The following ASAP1 variants were observed in gnomAD, a reference collection of about 807,000 sequenced individuals.
ASAP1 encodes the protein arf-GAP with SH3 domain, ANK repeat and PH domain-containing protein 1.
A neutral mutation model predicts 145.2 loss-of-function variants in ASAP1; 43 were observed. The ratio of observed to expected loss-of-function variants is 0.30; its 90% CI spans 0.23 to 0.38. The LOEUF (loss-of-function observed/expected upper bound fraction) is 0.38. ASAP1 is among the 10% of genes least tolerant of loss of function. The probability of loss-of-function intolerance (pLI) is 1.00; values close to 1 mark genes in which losing one functional copy is unlikely to be tolerated. For synonymous variants in ASAP1, 546 were observed against 515.5 expected (o/e 1.06, Z -0.80); for missense variants, 1,018 against 1,355.3 (o/e 0.75, Z 3.91).
chr8:130,169,378 T>C (rs935379207), intron 9 of ASAP1, among the ~76,000 whole-genome samples: 2 of 152,222 alleles, frequency 1.3e-5, no homozygotes, highest in African/African-American at 4.8e-5. Flanking sequence ...CATATGCATC[T>C]ATACATAGAA....
At chr8:130,339,538 T>C (rs1284880557) in intron 3 of ASAP1, among the ~76,000 whole-genome samples, 71 of 152,156 alleles carry the variant, frequency 4.7e-4, no homozygotes, top group Admixed American at 4.6e-3. Flanking sequence ...TCTCCTCCAC[T>C]TGAAGGCAGT....
intron 10 of ASAP1, among the ~76,000 whole-genome samples, 178 bp downstream of exon 10, chr8:130,168,814 G>C (rs2097685430): frequency 6.6e-6 from 1 of 152,136 alleles, no homozygotes; most frequent in African/African-American, 2.4e-5. Context: ...AAGGACTCTG[G>C]AGCATTTGAC....
chr8:130,419,602 C>T (rs1046935070), intron 1 of ASAP1, among the ~76,000 whole-genome samples: 17 of 152,148 alleles, frequency 1.1e-4, no homozygotes, highest in Admixed American at 9.8e-4. Flanking sequence ...CCTCCCTTTT[C>T]CGTCTGACTC....
intron 2 of ASAP1, among the ~76,000 whole-genome samples, chr8:130,382,317 A>C (rs1827818009): frequency 6.6e-6 from 1 of 151,780 alleles, no homozygotes; most frequent in East Asian, 1.9e-4. Context: ...AAAGAAATTA[A>C]AGATATCACC....
chr8:130,147,403 C>A (rs1396906306), intron 13 of ASAP1, among the ~76,000 whole-genome samples: 1 of 151,828 alleles, frequency 6.6e-6, no homozygotes, highest in African/African-American at 2.4e-5. Context: ...CATTAATAGC[C>A]CCATTTTATT....
intron 3 of ASAP1, among the ~76,000 whole-genome samples, chr8:130,253,239 A>G (rs1318196242): frequency 6.6e-6 from 1 of 152,220 alleles, no homozygotes; most frequent in East Asian, 1.9e-4. Context: ...TGGGCCAGAA[A>G]CTTAACCCGG....
At chr8:130,084,121 G>A (rs149938939) in intron 25 of ASAP1, 23 of 152,270 alleles carry the variant, frequency 1.5e-4, no homozygotes, top group African/African-American at 5.5e-4. Context: ...CAAAATGTCT[G>A]GCACAGAGCA....
intron 2 of ASAP1, among the ~76,000 whole-genome samples, chr8:130,384,190 A>G (rs1053805810): frequency 3.3e-5 from 5 of 152,204 alleles, no homozygotes; most frequent in Admixed American, 6.5e-5. Context: ...TTCTGAGATG[A>G]GATGGAATGA....
At chr8:130,132,333 G>C (rs2097584428) in intron 15 of ASAP1, among the ~76,000 whole-genome samples, 1 of 152,192 alleles carries the variant, frequency 6.6e-6, no homozygotes, top group African/African-American at 2.4e-5. Context: ...TGGAGGGCCA[G>C]GCCTCTGACT....
chr8:130,131,135 C>A (rs1369053768), intron 15 of ASAP1, among the ~76,000 whole-genome samples: 1 of 150,598 alleles, frequency 6.6e-6, no homozygotes, highest in Non-Finnish European at 1.5e-5. Context: ...CCAGCCTGGG[C>A]GACAGAGCAA....
intron 3 of ASAP1, among the ~76,000 whole-genome samples, chr8:130,354,538 G>A (rs891722712): frequency 1.3e-5 from 2 of 152,138 alleles, no homozygotes; most frequent in Non-Finnish European, 2.9e-5. Context: ...TAAATAGAGG[G>A]TCCCTTCTAC....
chr8:130,342,208 G>C (rs866347511), intron 3 of ASAP1, among the ~76,000 whole-genome samples: 23 of 152,096 alleles, frequency 1.5e-4, no homozygotes, highest in Admixed American at 9.2e-4. Context: ...AGGCAAATTG[G>C]CAAGGGTGGC....
rs527304461 is a variant in ASAP1 at position 130,407,108 on chromosome 8, A to G, written c.-27-5138T>C. Among the ~76,000 whole-genome samples, 10 of 152,362 alleles carry G rather than the reference A, an allele frequency of 6.6e-5. No individual in the cohort carries two copies. The South Asian group carries it at 2.1e-3, about 32-fold the overall frequency. On this transcript the variant is annotated intron_variant, in intron 1 of 29. Transcript: ENST00000518721. ...AAGCAAAAAATGGTTGGCTCCCCGT[A>G]ACTGATGAATGCATGGGATCTAGTT...
intron 3 of ASAP1, among the ~76,000 whole-genome samples, chr8:130,276,724 A>ACTCTCTCT (rs1471141965): frequency 1.1e-3 from 116 of 102,598 alleles, no homozygotes; most frequent in African/African-American, 3.5e-3. Context: ...ACACACACAC[A>ACTCTCTCT]CACACTCTCT....
At chr8:130,187,752 G>T (rs1481141249) in intron 6 of ASAP1, among the ~76,000 whole-genome samples, 1 of 152,126 alleles carries the variant, frequency 6.6e-6, no homozygotes, top group Non-Finnish European at 1.5e-5. Flanking sequence ...TACACAAGAA[G>T]CCTGAGAGAG....
At chr8:130,115,360 T>C (rs1187118796) in intron 23 of ASAP1, among the ~76,000 whole-genome samples, 10 of 152,212 alleles carry the variant, frequency 6.6e-5, no homozygotes, top group African/African-American at 1.2e-4. Flanking sequence ...CCTGTGCATT[T>C]TGAACTTGAC....
chr8:130,112,356 C>T (rs1336505224), intron 23 of ASAP1, 34 bp from the exon 24 acceptor site: 1 of 1,590,452 alleles, frequency 6.3e-7, no homozygotes, highest in Admixed American at 1.7e-5. Flanking sequence ...AGATAATAAT[C>T]AAGGACCACC....
chr8:130,420,999 C>T (rs968533968), intron 1 of ASAP1, among the ~76,000 whole-genome samples: 1 of 152,138 alleles, frequency 6.6e-6, no homozygotes, highest in African/African-American at 2.4e-5. Context: ...GTATCGGGCT[C>T]CAATGAGGAA....
chr8:130,100,993 C>A (rs2097527827), intron 24 of ASAP1, among the ~76,000 whole-genome samples: 1 of 152,114 alleles, frequency 6.6e-6, no homozygotes, highest in African/African-American at 2.4e-5. Flanking sequence ...TTTAATTCAT[C>A]TTGAGTTGAG....
Sources: allele counts gnomAD v4.1 joint callset (sites outside exome capture counted in the v4.1 genomes callset), GRCh38; gene constraint gnomAD v4.1.1; transcripts MANE v1.5; gene names NCBI Gene and HGNC (gene_info 2026-07-23, HGNC 2026-07-21).